Variants in ZNF248 observed in about 807,000 individuals in gnomAD.
ZNF248 encodes KRAB protein domain.
A neutral mutation model predicts 44.3 loss-of-function variants in ZNF248; 20 were observed. That is an observed-to-expected ratio of 0.45 (90% CI 0.32 to 0.66). The LOEUF (loss-of-function observed/expected upper bound fraction) is 0.66. Ranked by LOEUF, ZNF248 falls within the 30% of genes least tolerant of loss-of-function variation. The pLI is 0.04. For synonymous variants in ZNF248, 224 were observed against 229.0 expected (o/e 0.98, Z 0.20); for missense variants, 654 against 677.0 (o/e 0.97, Z 0.38).
chr10:37,786,552 G>A (rs933617206), intron 6 of ZNF248, among the ~76,000 whole-genome samples: 1 of 152,038 alleles, frequency 6.6e-6, no homozygotes, highest in Non-Finnish European at 1.5e-5. Flanking sequence ...TAAAAATGTA[G>A]ACATAATCTT....
intron 3 of ZNF248, among the ~76,000 whole-genome samples, chr10:37,840,085 C>A (rs1007391747): frequency 6.6e-6 from 1 of 152,084 alleles, no homozygotes; most frequent in Non-Finnish European, 1.5e-5. Context: ...ACCTATAGAT[C>A]AAAGAGGAAG....
intron 6 of ZNF248, chr10:37,794,686 G>T: frequency 6.1e-6 from 1 of 162,668 alleles, no homozygotes. Flanking sequence ...TGTGTTCTCT[G>T]ATGTTCAGTG....
At chr10:37,833,981 C>T (rs1026763042) in intron 5 of ZNF248, among the ~76,000 whole-genome samples, 38 of 152,090 alleles carry the variant, frequency 2.5e-4, no homozygotes, top group African/African-American at 8.4e-4. Context: ...CAACATCATG[C>T]AAATCTATTG....
At chr10:37,760,493 G>C in the ZNF248 span, among the ~76,000 whole-genome samples, 1 of 152,020 alleles carries the variant, frequency 6.6e-6, no homozygotes, top group Non-Finnish European at 1.5e-5. Flanking sequence ...AAAGTGCTGG[G>C]ATTATAGGCA....
At chr10:37,817,724 G>C (rs1238246469) in intron 6 of ZNF248, among the ~76,000 whole-genome samples, 1 of 152,076 alleles carries the variant, frequency 6.6e-6, no homozygotes, top group Admixed American at 6.5e-5. Flanking sequence ...AAATTATTTA[G>C]GGATAAAACA....
At chr10:37,793,886 T>C (rs1039772193) in intron 6 of ZNF248, among the ~76,000 whole-genome samples, 5 of 152,192 alleles carry the variant, frequency 3.3e-5, no homozygotes, top group African/African-American at 9.6e-5. Flanking sequence ...CTTTTTAATA[T>C]GTTTTTCCAC....
intron 6 of ZNF248, among the ~76,000 whole-genome samples, chr10:37,816,235 A>G (rs963905953): frequency 2.6e-5 from 4 of 152,198 alleles, no homozygotes; most frequent in African/African-American, 9.6e-5. Context: ...ACTTGCAACA[A>G]TGGCAATGAG....
downstream of ZNF248, chr10:37,828,703 T>C (rs1309953945): frequency 1.3e-5 from 13 of 985,286 alleles, no homozygotes; most frequent in Non-Finnish European, 1.6e-5. Context: ...ATAACACATA[T>C]TTAAGTACAT....
At position 37,832,381 on chromosome 10, in the gene ZNF248, C is replaced by T. The variant is rs771989661; in HGVS notation, c.974G>A (p.Arg325His). 4.6e-5 allele frequency: 75 copies of T among 1,613,900 alleles called. No homozygotes were observed. The highest frequency in any genetic ancestry group is 3.3e-4 in the Middle Eastern group (2 of 6,084). ...GGTTTTGTCACTCACTTTATATTCA[C>T]GGAGAATCTTTCTTGTGTAAGCTCC... The part of the protein sequence containing the change: ...HQGAYTRKIL[R>H]EYKVSDKTWE... Residue 325 changes from arginine (R) to histidine (H), a missense_variant, in exon 6 of 6, where the codon CGT becomes CAT. Transcript: ENST00000395867.
At chr10:37,848,874 T>C (rs1431241696) in intron 3 of ZNF248, among the ~76,000 whole-genome samples, 2 of 152,182 alleles carry the variant, frequency 1.3e-5, no homozygotes, top group Non-Finnish European at 2.9e-5. Flanking sequence ...TGAATTCACA[T>C]TAGCTACCTG....
intron 5 of ZNF248, among the ~76,000 whole-genome samples, chr10:37,834,774 C>G (rs2056753468): frequency 6.6e-6 from 1 of 152,080 alleles, no homozygotes; most frequent in Admixed American, 6.5e-5. Context: ...TTTACAAACA[C>G]AGTATGAATT....
chr10:37,823,412 T>C (rs1287358684), intron 6 of ZNF248, among the ~76,000 whole-genome samples: 5 of 149,480 alleles, frequency 3.3e-5, no homozygotes, highest in Non-Finnish European at 7.4e-5. Context: ...ATGAAACGTA[T>C]TATGTCACAA....
At chr10:37,826,269 C>T (rs1485448994), downstream of ZNF248, among the ~76,000 whole-genome samples, 3 of 152,160 alleles carry the variant, frequency 2.0e-5, no homozygotes, top group East Asian at 5.8e-4. Context: ...ACACAGATAA[C>T]AGAAAGTACT....
rs2054912033 is a variant in ZNF248 at position 37,829,046 on chromosome 10, T to C, written c.*2569A>G. 1.0e-6 allele frequency: 1 copy of C among 985,474 alleles called. No individual in the cohort carries two copies. Among genetic ancestry groups the C allele is most frequent in the African/African-American group, 1.7e-5 (1 of 57,374 alleles). The allele number at this position is 985,474 out of a possible 1,614,324, so 61.0% of individuals were successfully genotyped here. On this transcript the variant is annotated 3_prime_UTR_variant, in exon 6 of 6. Transcript: ENST00000395867. ...TTTACAGAAATGAATAACACTGTGC[T>C]GCTTATTCTCCATTTCTCTTCCCAG...
chr10:37,832,730 T>C lies in ZNF248; in HGVS notation c.625A>G (p.Ser209Gly), dbSNP rs541657203. The change falls in exon 6 of 6, where the codon AGT (serine) becomes GGT (glycine). Residue 209 changes from serine (S) to glycine (G), a missense_variant. By Grantham distance (56) the Ser-to-Gly change is moderately conservative (BLOSUM62 0). Transcript: ENST00000395867. ...CTATACTCAAAAGATTGGCCAAAAC[T>C]TGGCTGACTGAGATCCTGGTGATAA... ...INYHQDLSQP[S>G]FGQSFEYSKN... 2.5e-6 allele frequency: 4 copies of C among 1,613,702 alleles called. No homozygotes were observed. The African/African-American group carries it at 5.3e-5, about 22-fold the overall frequency.
chr10:37,832,305 C>T lies in ZNF248; in HGVS notation c.1050G>A (p.Lys350=), dbSNP rs2055938522. The stretch of plus-strand genomic sequence containing the variant: ...TCCCATTTTCATTGTAATCATAAGA[C>T]TTTCCCCCCATGTGTACTATTTGAT... The part of the protein sequence containing the change: ...LKHQIVHMGG[K]SYDYNENGSN... Residue 350 remains lysine (K), a synonymous_variant, in exon 6 of 6, where the codon AAG becomes AAA. Transcript: ENST00000395867. The T allele has an allele frequency of 2.5e-6, 4 of 1,613,896 alleles. No homozygotes were observed. The highest frequency in any genetic ancestry group is 3.4e-6 in the Non-Finnish European group (4 of 1,179,958).
At chr10:37,850,954 G>A (rs1304956534) in intron 3 of ZNF248, among the ~76,000 whole-genome samples, 1 of 152,052 alleles carries the variant, frequency 6.6e-6, no homozygotes, top group Admixed American at 6.6e-5. Flanking sequence ...TGACAAACTG[G>A]ACTTTATCAA....
intron 3 of ZNF248, among the ~76,000 whole-genome samples, chr10:37,855,552 A>C (rs1012975436): frequency 3.9e-5 from 6 of 152,212 alleles, no homozygotes; most frequent in Non-Finnish European, 8.8e-5. Context: ...AGATGCCTTC[A>C]TGAGGACTAG....
chr10:37,786,164 T>C (rs756017541), intron 6 of ZNF248, among the ~76,000 whole-genome samples: 7 of 152,206 alleles, frequency 4.6e-5, no homozygotes, highest in East Asian at 1.9e-4. Context: ...TTTTCACAAG[T>C]AGAGATCAAT....
Sources: gnomAD v4.1 joint callset for allele counts (sites outside exome capture counted in the v4.1 genomes callset) on GRCh38, gnomAD v4.1.1 for gene constraint, MANE v1.5 for transcripts, NCBI Gene and HGNC (gene_info 2026-07-23, HGNC 2026-07-21) for gene names.